USP40: variants seen among roughly 807,000 people sequenced by gnomAD.
The protein encoded by USP40 is ubiquitin specific peptidase 40.
USP40 carries 143 observed loss-of-function variants against 166.2 expected under a neutral mutation model. The ratio of observed to expected loss-of-function variants is 0.86; its 90% confidence interval spans 0.75 to 0.99. The LOEUF is 0.99. Ranked by LOEUF, USP40 falls within the 50% of genes least tolerant of loss-of-function variation. The pLI, the probability that USP40 is intolerant of heterozygous loss-of-function variation, is 0.00. For missense variants in USP40, 1,444 were observed against 1,479.7 expected, an observed-to-expected ratio of 0.98 and a Z score of 0.40; for synonymous variants, 498 against 524.0, an observed-to-expected ratio of 0.95 and a Z score of 0.68.
At chr2:233,488,033 C>A (rs1340830362) in intron 28 of USP40, 2 of 705,760 alleles carry the variant, frequency 2.8e-6, no homozygotes, top group African/African-American at 1.8e-5. Context: ...AATTAATTCT[C>A]CCTTACTGTT....
At position 233,557,977 on chromosome 2, in the gene USP40, G is replaced by A. The variant is rs557379598; in HGVS notation, c.382-958C>T. ...CTATGATCATGCCATTGCACTCCAG[G>A]CTGGTGACAGTGAGACCTCATCTCA... On this transcript the variant is annotated intron_variant, in intron 4 of 31. Coordinates refer to ENST00000678225, the MANE Select transcript of USP40 (RefSeq NM_001365479.2). 3.5e-4 allele frequency among the ~76,000 whole-genome samples: 48 copies of A among 136,948 alleles called. No individual in the cohort carries two copies. In the East Asian group the frequency reaches 6.7e-3, roughly 19 times the overall value. 89.8% of individuals were successfully genotyped at this position (136,948 alleles called of 152,430 possible).
chr2:233,525,147 T>C (rs550264377), intron 14 of USP40, among the ~76,000 whole-genome samples: 27 of 152,318 alleles, frequency 1.8e-4, no homozygotes, highest in African/African-American at 6.5e-4. Context: ...GTCACATAAA[T>C]ATGATTCAGA....
chr2:233,496,758 C>G lies in USP40; in HGVS notation c.2790G>C (p.Leu930=), dbSNP rs1401181106. ...TGTCTATTCAGAAGTAAAATCTTAC[C>G]AGAGGAGGAAGTTGTCCTTCAATTA... ...LLLIEGQLPP[L]GFLKVPIWWY... is the part of the protein sequence containing the mutation. Residue 930 remains leucine (L), a splice_region_variant and synonymous_variant, in exon 24 of 32, where the codon CTG becomes CTC. Transcript: ENST00000678225. The G allele has an allele frequency of 6.2e-7, 1 of 1,611,126 alleles. No individual in the cohort carries two copies. The highest frequency in any genetic ancestry group is 2.2e-5 in the East Asian group (1 of 44,740).
At chr2:233,482,549 A>C (rs891401974) in intron 30 of USP40, among the ~76,000 whole-genome samples, 1 of 151,608 alleles carries the variant, frequency 6.6e-6, no homozygotes, top group South Asian at 2.1e-4. Context: ...ACTGCTCTCC[A>C]GAGTAGCTGT....
chr2:233,476,938 C>T lies in USP40; in HGVS notation c.*454G>A, dbSNP rs1575200001. 1.1e-5 allele frequency: 3 copies of T among 271,284 alleles called. No individual in the cohort carries two copies. Among genetic ancestry groups the T allele is most frequent in the East Asian group, 1.0e-4 (1 of 9,530 alleles). 16.8% of individuals were successfully genotyped at this position (271,284 alleles called of 1,614,324 possible). ...CTTCTGCTCAGCACCAGCGCGGTGGCGCAGTGGCCTGAGACACTGTGAGAA... is the reference window on the plus strand; with the variant it reads ...CTTCTGCTCAGCACCAGCGCGGTGGTGCAGTGGCCTGAGACACTGTGAGAA... On this transcript the variant is annotated 3_prime_UTR_variant, in exon 32 of 32. Transcript: ENST00000678225.
At chr2:233,485,717 T>C (rs1290909187) in intron 29 of USP40, 50 bp downstream of exon 29, 11 of 1,604,704 alleles carry the variant, frequency 6.9e-6, no homozygotes, top group Admixed American at 1.7e-5. Flanking sequence ...CATAACCTCA[T>C]TGCTATGCCG....
intron 24 of USP40, among the ~76,000 whole-genome samples, chr2:233,494,930 A>ATT (rs1559224079): frequency 5.3e-5 from 2 of 37,634 alleles, no homozygotes; most frequent in African/African-American, 1.8e-4. Flanking sequence ...ATATATATAT[A>ATT]TATATATATA....
rs2068318282 is a variant in USP40 at position 233,529,451 on chromosome 2, G to A, written c.1533C>T (p.Asn511=). The A allele has an allele frequency of 6.3e-7, 1 of 1,577,404 alleles. No individual in the cohort carries two copies. Among genetic ancestry groups the A allele is most frequent in the Non-Finnish European group, 8.6e-7 (1 of 1,159,414 alleles). ...CHLLNEMDAA[N]IELQTKRAEC... ...ATTACCTTTTGGTTTGCAGTTCAATGTTAGCTGCATCCATTTCATTCAGTA... is the reference window on the plus strand; with the variant it reads ...ATTACCTTTTGGTTTGCAGTTCAATATTAGCTGCATCCATTTCATTCAGTA... Residue 511 remains asparagine, a synonymous_variant, in exon 12 of 32, where the codon AAC becomes AAT. Transcript: ENST00000678225.
intron 14 of USP40, 136 bp downstream of exon 14, chr2:233,525,342 T>A: frequency 1.9e-6 from 1 of 525,448 alleles, no homozygotes; most frequent in Non-Finnish European, 3.4e-6. Flanking sequence ...TTGGAAAACT[T>A]ACAGTGTGAA....
chr2:233,492,534 C>A (rs1227121931), intron 25 of USP40: 1 of 152,168 alleles, frequency 6.6e-6, no homozygotes, highest in African/African-American at 2.4e-5. Flanking sequence ...ATCACCAAGG[C>A]ATTTTTAGCA....
At chr2:233,549,872 TA>T (rs746100909) in intron 7 of USP40, among the ~76,000 whole-genome samples, 8 of 152,108 alleles carry the variant, frequency 5.3e-5, no homozygotes, top group Non-Finnish European at 1.0e-4. Flanking sequence ...TTTCTATAAT[TA>T]ATATGCTCCA....
Position 233,532,491 on chromosome 2 carries a change from G to A in USP40, c.1471+988C>T, listed in dbSNP as rs116518679. Among the ~76,000 whole-genome samples the A allele has an allele frequency of 6.0e-3, 907 of 152,298 alleles. 10 individuals are homozygous for A. The highest frequency in any genetic ancestry group is 0.02 in the African/African-American group (817 of 41,562). Reference sequence around the variant, plus strand: ...GAAACTTCTAGGGGATATTTGGACCGGAGAAGATTCTGTATCTGGGCCCTT... The same window carrying A: ...GAAACTTCTAGGGGATATTTGGACCAGAGAAGATTCTGTATCTGGGCCCTT... On this transcript the variant is annotated intron_variant, in intron 11 of 31. Transcript: ENST00000678225.
intron 27 of USP40, among the ~76,000 whole-genome samples, chr2:233,488,542 T>C (rs1325624433): frequency 6.6e-6 from 1 of 152,226 alleles, no homozygotes; most frequent in Non-Finnish European, 1.5e-5. Flanking sequence ...ATGGCCAAAC[T>C]GCCAAAGAAA....
chr2:233,504,200 C>T (rs899929742), intron 21 of USP40, among the ~76,000 whole-genome samples: 1 of 151,768 alleles, frequency 6.6e-6, no homozygotes, highest in African/African-American at 2.4e-5. Flanking sequence ...CCATAGACAA[C>T]CATCAAACCA....
At chr2:233,524,984 TATTACAGATTTTGGCCCAA>T (rs1293552643) in intron 14 of USP40, among the ~76,000 whole-genome samples, 1 of 152,236 alleles carries the variant, frequency 6.6e-6, no homozygotes, top group Non-Finnish European at 1.5e-5. Flanking sequence ...ATAAAACACC[TATTACAGATTTTGGCCCAA>T]ATTAGATGTT....
intron 30 of USP40, among the ~76,000 whole-genome samples, chr2:233,483,891 A>C (rs572078946): frequency 6.4e-4 from 97 of 152,336 alleles, no homozygotes; most frequent in Non-Finnish European, 1.1e-3. Context: ...ATAGATAACT[A>C]ATTTTCCAGC....
intron 10 of USP40, among the ~76,000 whole-genome samples, chr2:233,540,161 A>C (rs990297264): frequency 6.6e-6 from 1 of 151,732 alleles, no homozygotes; most frequent in Non-Finnish European, 1.5e-5. Flanking sequence ...CCAAAAAAAA[A>C]CTTGATAACC....
chr2:233,545,824 G>A (rs1240087142), intron 8 of USP40: 2 of 189,404 alleles, frequency 1.1e-5, no homozygotes, highest in Non-Finnish European at 2.3e-5. Flanking sequence ...AGAATATTTG[G>A]GACCCTTTGT....
intron 8 of USP40, among the ~76,000 whole-genome samples, chr2:233,543,191 T>C (rs2069585802): frequency 6.6e-6 from 1 of 152,178 alleles, no homozygotes. Flanking sequence ...GTATTTTAAA[T>C]GGACTTAAAA....
Sources: allele counts gnomAD v4.1 joint callset (sites outside exome capture counted in the v4.1 genomes callset), GRCh38; gene constraint gnomAD v4.1.1; transcripts MANE v1.5; gene names NCBI Gene and HGNC (gene_info 2026-07-23, HGNC 2026-07-21).